The following NCAPG variants were observed in gnomAD, a reference collection of about 807,000 sequenced individuals.
NCAPG encodes the protein non-SMC condensin I complex subunit G, also known as condensin complex subunit 3.
In NCAPG, 69 loss-of-function variants were observed where a neutral mutation model predicts 113.1. That is an observed-to-expected ratio of 0.61 (90% CI 0.50 to 0.75). NCAPG has a LOEUF of 0.75. NCAPG is among the 30% of genes least tolerant of loss of function. The pLI, the probability that NCAPG is intolerant of heterozygous loss-of-function variation, is 0.00. For missense variants in NCAPG, 1,058 were observed against 1,177.0 expected (o/e 0.90, Z 1.48); for synonymous variants, 370 against 415.8 (o/e 0.89, Z 1.34).
At chr4:17,838,238 C>G (rs1722183517) in intron 16 of NCAPG, among the ~76,000 whole-genome samples, 1 of 152,144 alleles carries the variant, frequency 6.6e-6, no homozygotes. Flanking sequence ...ACAGACTGAA[C>G]TTAAGCTGGG....
rs2109056122 is a variant in NCAPG, at chr4:17,828,431, T to C, written c.1764+43T>C. 2.7e-6 allele frequency: 3 copies of C among 1,119,780 alleles called. No individual in the cohort carries two copies. The East Asian group carries it at 7.4e-5, about 28-fold the overall frequency. 69.4% of individuals were successfully genotyped at this position (1,119,780 alleles called of 1,614,324 possible). A position where few individuals can be genotyped will look rare whatever the true frequency, so the allele number is the denominator to read the frequency against. On this transcript the variant is annotated intron_variant, in intron 12 of 20. Transcript: ENST00000251496. ...TGGGCTTTATTTTAGTCCACTCCTTTCTTATTTTGTAAGTGATATGTTCTT... is the reference window on the plus strand; with the variant it reads ...TGGGCTTTATTTTAGTCCACTCCTTCCTTATTTTGTAAGTGATATGTTCTT...
intron 11 of NCAPG, among the ~76,000 whole-genome samples, chr4:17,827,763 T>G (rs1453232842): frequency 6.6e-6 from 1 of 151,858 alleles, no homozygotes; most frequent in Non-Finnish European, 1.5e-5. Context: ...TTGTCAGGTT[T>G]TTTTTTTTTT....
intron 12 of NCAPG, 77 bp from the exon 13 acceptor site, chr4:17,830,920 A>T: frequency 1.4e-6 from 2 of 1,418,100 alleles, no homozygotes; most frequent in Non-Finnish European, 1.9e-6. Flanking sequence ...GTGAAAAATG[A>T]CACCTTTGAG....
Position 17,823,076 on chromosome 4 carries a change from A to G in NCAPG, c.1212A>G (p.Gln404=). The G allele has an allele frequency of 1.9e-6, 3 of 1,610,528 alleles. No individual in the cohort carries two copies. The highest frequency in any genetic ancestry group is 2.5e-6 in the Non-Finnish European group (3 of 1,178,488). The change falls in exon 8 of 21, where the codon CAA becomes CAG. Residue 404 remains glutamine, a synonymous_variant. Transcript: ENST00000251496. ...TGACAAAAGAATTCATAGGTCAACA[A>G]TTGATTCTAATTATTAAGTCTTTGG... is the stretch of plus-strand genomic sequence containing the variant. ...NLMTKEFIGQ[Q]LILIIKSLDT... is the part of the protein sequence containing the mutation.
chr4:17,827,107 A>G (rs1230046594), intron 11 of NCAPG, among the ~76,000 whole-genome samples: 1 of 152,240 alleles, frequency 6.6e-6, no homozygotes, highest in East Asian at 1.9e-4. Context: ...TGTTGTAGAC[A>G]GATGGAGCAA....
Position 17,839,715 on chromosome 4 carries a change from A to G in NCAPG, c.2506A>G (p.Asn836Asp), listed in dbSNP as rs765481357. Reference protein sequence around the residue: ...VHDNLAMKICNEILTSPCSPE... With the variant: ...VHDNLAMKICDEILTSPCSPE... ...TGACAATTTGGCTATGAAAATTTGC[A>G]ATGAGATCTTAACAAGTCCGTGCTC... The change falls in exon 17 of 21, where the codon AAT (asparagine) becomes GAT (aspartate). Residue 836 changes from asparagine to aspartate, a missense_variant. Transcript: ENST00000251496. 4 of 1,567,546 alleles carry G rather than the reference A, an allele frequency of 2.6e-6. No homozygotes were observed. The highest frequency in any genetic ancestry group is 3.4e-6 in the Non-Finnish European group (4 of 1,166,180).
At position 17,840,185 on chromosome 4, in the gene NCAPG, A is replaced by G; in HGVS notation, c.2743A>G (p.Thr915Ala). ...AGCAGCACAGGATGCCACCTTGACT[A>G]CAACTACTTTCCAAAATGAAGATGG... is the stretch of plus-strand genomic sequence containing the variant. ...AEAAQDATLT[T>A]TTFQNEDEKN... Residue 915 changes from threonine to alanine, a missense_variant, in exon 18 of 21, where the codon ACA becomes GCA. Transcript: ENST00000251496. The G allele has an allele frequency of 6.2e-7, 1 of 1,601,860 alleles. No homozygotes were observed. The highest frequency in any genetic ancestry group is 1.1e-5 in the South Asian group (1 of 88,348).
At chr4:17,838,978 A>G (rs1722212487) in intron 16 of NCAPG, among the ~76,000 whole-genome samples, 1 of 152,214 alleles carries the variant, frequency 6.6e-6, no homozygotes, top group East Asian at 1.9e-4. Context: ...TAGAAAGAAT[A>G]GAAATTGACC....
intron 2 of NCAPG, 85 bp from the exon 3 acceptor site, chr4:17,812,832 T>A: frequency 1.7e-6 from 2 of 1,162,184 alleles, no homozygotes; most frequent in South Asian, 2.8e-5. Context: ...ACTTCTTGCA[T>A]TCCGAATGTA....
chr4:17,840,174 C>T lies in NCAPG; in HGVS notation c.2732C>T (p.Ala911Val). 2 of 1,608,022 alleles carry T rather than the reference C, an allele frequency of 1.2e-6. No individual in the cohort carries two copies. Among genetic ancestry groups the T allele is most frequent in the Middle Eastern group, 1.7e-4 (1 of 6,018 alleles). ...FGDQAEAAQD[A>V]TLTTTTFQNE... ...GACCAAGCTGAAGCAGCACAGGATG[C>T]CACCTTGACTACAACTACTTTCCAA... is the stretch of plus-strand genomic sequence containing the variant. The change falls in exon 18 of 21, where the codon GCC becomes GTC. Residue 911 changes from alanine to valine, a missense_variant. Ala to Val is a moderately conservative substitution (Grantham distance 64, BLOSUM62 0). Transcript: ENST00000251496.
intron 17 of NCAPG, 28 bp from the exon 18 acceptor site, chr4:17,840,043 A>C (rs1722284697): frequency 2.5e-6 from 4 of 1,583,904 alleles, no homozygotes; most frequent in Non-Finnish European, 3.4e-6. Context: ...CGGTGTTTAC[A>C]AAATGTTAAT....
At chr4:17,841,623 A>G (rs1350453642) in intron 19 of NCAPG, 1 of 151,932 alleles carries the variant, frequency 6.6e-6, no homozygotes, top group African/African-American at 2.4e-5. Flanking sequence ...ATATCACACC[A>G]TGAGAACACC....
chr4:17,816,221 G>C (rs1721202169), intron 5 of NCAPG, among the ~76,000 whole-genome samples: 1 of 152,106 alleles, frequency 6.6e-6, no homozygotes, highest in Non-Finnish European at 1.5e-5. Context: ...TTCTCATAAG[G>C]AGCGTGCAAC....
chr4:17,813,000 T>C lies in NCAPG; in HGVS notation c.399T>C (p.Ala133=). ...NKLLGSMPEN[A]QIDDDVFDKI... ...TTTTGGGAAGTATGCCAGAAAATGC[T>C]CAGATTGATGATGATGTGTTTGATA... Residue 133 remains alanine, a synonymous_variant, in exon 3 of 21, where the codon GCT becomes GCC. Transcript: ENST00000251496. 2 of 1,614,034 alleles carry C rather than the reference T, an allele frequency of 1.2e-6. No homozygotes were observed. The highest frequency in any genetic ancestry group is 1.7e-6 in the Non-Finnish European group (2 of 1,179,944).
chr4:17,837,931 C>A, intron 16 of NCAPG, 130 bp downstream of exon 16: 1 of 902,908 alleles, frequency 1.1e-6, no homozygotes, highest in Non-Finnish European at 1.7e-6. Context: ...CCACAAAGCA[C>A]GAAAGAAACA....
At chr4:17,841,476 G>T (rs1165055309) in intron 19 of NCAPG, 2 of 151,778 alleles carry the variant, frequency 1.3e-5, no homozygotes, top group African/African-American at 4.8e-5. Context: ...CCATATTGTT[G>T]GATGTTTTCT....
chr4:17,811,044 C>G lies in NCAPG; in HGVS notation c.-34C>G, dbSNP rs1321212661. Reference sequence around the variant, plus strand: ...CGGGCTGGCAGGCTGTAGCCGAGCGCGGGCAGGACTCGTCCCGGCAGGGTT... The same window carrying G: ...CGGGCTGGCAGGCTGTAGCCGAGCGGGGGCAGGACTCGTCCCGGCAGGGTT... On this transcript the variant is annotated 5_prime_UTR_variant, in exon 1 of 21. Coordinates refer to ENST00000251496, the MANE Select transcript of NCAPG (RefSeq NM_022346.5). The surrounding 1 kb of genome is among the most constrained non-coding windows in gnomAD (Gnocchi z 5.3). The G allele has an allele frequency of 7.4e-7, 1 of 1,356,276 alleles. No homozygotes were observed. Among genetic ancestry groups the G allele is most frequent in the Non-Finnish European group, 9.8e-7 (1 of 1,015,710 alleles). 84.0% of individuals were successfully genotyped at this position (1,356,276 alleles called of 1,614,324 possible). A position where few individuals can be genotyped will look rare whatever the true frequency, so the allele number is the denominator to read the frequency against.
intron 14 of NCAPG, 65 bp from the exon 15 acceptor site, chr4:17,837,094 C>T (rs1162751036): frequency 2.1e-6 from 3 of 1,413,764 alleles, no homozygotes; most frequent in Admixed American, 3.7e-5. Context: ...GTAGGACAGG[C>T]TACATTGAGA....
In NCAPG at chr4:17,843,678, A is replaced by G. The variant is rs1722649360; in HGVS notation, c.*253A>G. On this transcript the variant is annotated 3_prime_UTR_variant, in exon 21 of 21. Transcript: ENST00000251496. Reference sequence around the variant, plus strand: ...GTGGGCCTAGGAATCTCATTTTTAAATAGTCTCTCCAAGTGATTCTTATGA... The same window carrying G: ...GTGGGCCTAGGAATCTCATTTTTAAGTAGTCTCTCCAAGTGATTCTTATGA... The G allele has an allele frequency of 3.4e-6, 1 of 295,868 alleles. No homozygotes were observed. Among genetic ancestry groups the G allele is most frequent in the Admixed American group, 4.5e-5 (1 of 22,416 alleles). The allele number at this position is 295,868 out of a possible 1,614,324, so 18.3% of individuals were successfully genotyped here.
Sources: gnomAD v4.1 joint callset for allele counts (sites outside exome capture counted in the v4.1 genomes callset) on GRCh38, gnomAD v4.1.1 for gene constraint, Gnocchi (gnomAD v3.1) non-coding constraint, MANE v1.5 for transcripts, NCBI Gene and HGNC (gene_info 2026-07-23, HGNC 2026-07-21) for gene names.